Variants in KLHDC10 observed in about 807,000 individuals in gnomAD.
KLHDC10 encodes the protein kelch domain containing 10, also known as kelch domain-containing protein 10.
KLHDC10 carries 24 observed loss-of-function variants against 56.1 expected under a neutral mutation model. The ratio of observed to expected loss-of-function variants is 0.43; its 90% CI spans 0.31 to 0.60. The LOEUF (loss-of-function observed/expected upper bound fraction) is 0.60, where lower values mean the gene tolerates loss of function less well. Ranked by LOEUF, KLHDC10 falls within the 20% of genes least tolerant of loss-of-function variation. KLHDC10 has a pLI of 0.11. For missense variants in KLHDC10, 349 were observed against 567.0 expected, an observed-to-expected ratio of 0.62 and a Z score of 3.91; for synonymous variants, 188 against 207.1, an observed-to-expected ratio of 0.91 and a Z score of 0.79.
chr7:130,119,537 TAAA>T (rs11317882), intron 3 of KLHDC10, among the ~76,000 whole-genome samples: 89 of 100,378 alleles, frequency 8.9e-4, no homozygotes, highest in African/African-American at 1.5e-3. Context: ...AAAAAAGAGT[TAAA>T]AAAAAAAAAA....
At chr7:130,115,714 C>CAAAA (rs11451164) in intron 2 of KLHDC10, among the ~76,000 whole-genome samples, 29 of 99,906 alleles carry the variant, frequency 2.9e-4, no homozygotes, top group South Asian at 3.8e-4. Context: ...GACTTGGTCT[C>CAAAA]AAAAAAAAAA....
rs1447802468 is a variant in KLHDC10, at chr7:130,130,245, G to A, written c.1120-292G>A. Among the ~76,000 whole-genome samples, 11 of 151,482 alleles carry A rather than the reference G, an allele frequency of 7.3e-5. No homozygotes were observed. The highest frequency in any genetic ancestry group is 1.9e-4 in the East Asian group (1 of 5,150). On this transcript the variant is annotated intron_variant, in intron 9 of 9. Coordinates refer to ENST00000335420, the MANE Select transcript of KLHDC10 (RefSeq NM_014997.4). This position sits in a 1 kb window ranked among gnomAD's most constrained non-coding sequence, Gnocchi z 4.2. ...TGAAGCAGGAGAATGGCGTGAACCC[G>A]GGAGGCGGAGAGCTTGCAGTGAGCT...
At chr7:130,091,116 G>A (rs895719654) in intron 1 of KLHDC10, among the ~76,000 whole-genome samples, 1 of 151,922 alleles carries the variant, frequency 6.6e-6, no homozygotes, top group Admixed American at 6.6e-5. Context: ...TCCATGTTTT[G>A]GCTATTGTGA....
chr7:130,120,301 T>C lies in KLHDC10; in HGVS notation c.476-448T>C, dbSNP rs1466301481. 5.9e-5 allele frequency among the ~76,000 whole-genome samples: 9 copies of C among 152,252 alleles called. No homozygotes were observed. Among genetic ancestry groups the C allele is most frequent in the Admixed American group, 5.9e-4 (9 of 15,288 alleles). On this transcript the variant is annotated intron_variant, in intron 3 of 9. Transcript: ENST00000335420. The surrounding 1 kb of genome is among the most constrained non-coding windows in gnomAD (Gnocchi z 5.1). Reference sequence around the variant, plus strand: ...TTTAGTGAATTCCATAAATATGTATTGAATACGTCATATATGCCTAGCAAT... The same window carrying C: ...TTTAGTGAATTCCATAAATATGTATCGAATACGTCATATATGCCTAGCAAT...
intron 7 of KLHDC10, among the ~76,000 whole-genome samples, chr7:130,126,932 G>A (rs534844366): frequency 3.6e-4 from 55 of 152,140 alleles, no homozygotes; most frequent in African/African-American, 1.3e-3. Context: ...GTGAAACCCT[G>A]TCTCCACTAA....
chr7:130,134,891 C>T lies in KLHDC10; in HGVS notation c.*4145C>T, dbSNP rs1384572620. The T allele has an allele frequency of 6.6e-6, 1 of 152,102 alleles. No individual in the cohort carries two copies. The allele number at this position is 152,102 out of a possible 1,614,324, so 9.4% of individuals were successfully genotyped here. A position where few individuals can be genotyped will look rare whatever the true frequency, so the allele number is the denominator to read the frequency against. The stretch of plus-strand genomic sequence containing the variant: ...TGGAACTCCAGACGCACCCGCAGGG[C>T]CTGAGGTAGGCTTCATAGAGTTCTA... On this transcript the variant is annotated 3_prime_UTR_variant, in exon 10 of 10. Transcript: ENST00000335420.
At chr7:130,129,959 T>G (rs1250050678) in intron 9 of KLHDC10, among the ~76,000 whole-genome samples, 1 of 152,148 alleles carries the variant, frequency 6.6e-6, no homozygotes, top group African/African-American at 2.4e-5. Context: ...TCTTGGATAC[T>G]TAATATAGGT....
At chr7:130,078,307 G>A (rs1795545237) in intron 1 of KLHDC10, among the ~76,000 whole-genome samples, 1 of 151,490 alleles carries the variant, frequency 6.6e-6, no homozygotes, top group Admixed American at 6.6e-5. Context: ...CCTGGAGGCG[G>A]AGGTTGCAGT....
chr7:130,103,418 C>CAAA (rs57094210), intron 2 of KLHDC10, among the ~76,000 whole-genome samples: 139 of 92,724 alleles, frequency 1.5e-3, no homozygotes, highest in East Asian at 0.012. Context: ...GAGCAAGACT[C>CAAA]AAAAAAAAAA....
intron 1 of KLHDC10, among the ~76,000 whole-genome samples, chr7:130,080,569 A>AT (rs34164377): frequency 2.5e-4 from 37 of 149,054 alleles, no homozygotes; most frequent in East Asian, 7.9e-4. Context: ...ATTAAAAAAA[A>AT]TTTTTTTTTT....
rs977509361 is a variant in KLHDC10 at position 130,130,244 on chromosome 7, C to T, written c.1120-293C>T. 9.3e-5 allele frequency among the ~76,000 whole-genome samples: 14 copies of T among 150,832 alleles called. No homozygotes were observed. Among genetic ancestry groups the T allele is most frequent in the East Asian group, 3.9e-4 (2 of 5,130 alleles). On this transcript the variant is annotated intron_variant, in intron 9 of 9. Transcript: ENST00000335420. This position sits in a 1 kb window ranked among gnomAD's most constrained non-coding sequence, Gnocchi z 4.2. ...CTGAAGCAGGAGAATGGCGTGAACC[C>T]GGGAGGCGGAGAGCTTGCAGTGAGC...
chr7:130,117,735 C>G (rs570740800), intron 3 of KLHDC10: 1 of 151,318 alleles, frequency 6.6e-6, no homozygotes, highest in South Asian at 2.1e-4. Context: ...ACTGTATTCC[C>G]AGCTACTTGG....
In KLHDC10 at chr7:130,130,783, A is replaced by T. The variant is rs1427476213; in HGVS notation, c.*37A>T. On this transcript the variant is annotated 3_prime_UTR_variant, in exon 10 of 10. Coordinates refer to ENST00000335420, the MANE Select transcript of KLHDC10 (RefSeq NM_014997.4). This position sits in a 1 kb window ranked among gnomAD's most constrained non-coding sequence, Gnocchi z 4.2. Reference sequence around the variant, plus strand: ...CTGTTCATTGATACTGGAAATGTTAATTTAAAGAGACTCCTTTATTTATGG... The same window carrying T: ...CTGTTCATTGATACTGGAAATGTTATTTTAAAGAGACTCCTTTATTTATGG... 2 of 1,578,224 alleles carry T rather than the reference A, an allele frequency of 1.3e-6. No homozygotes were observed. Among genetic ancestry groups the T allele is most frequent in the Non-Finnish European group, 8.7e-7 (1 of 1,147,628 alleles).
Position 130,124,434 on chromosome 7 carries a change from T to G in KLHDC10, c.780-17T>G. The G allele has an allele frequency of 6.6e-7, 1 of 1,511,756 alleles. No homozygotes were observed. The highest frequency in any genetic ancestry group is 9.2e-7 in the Non-Finnish European group (1 of 1,090,204). The allele number at this position is 1,511,756 out of a possible 1,614,324, so 93.6% of individuals were successfully genotyped here. On this transcript the variant is annotated splice_polypyrimidine_tract_variant and intron_variant, in intron 5 of 9. Coordinates refer to ENST00000335420, the MANE Select transcript of KLHDC10 (RefSeq NM_014997.4). ...TTTTTCACTTAATTATAAATGAATT[T>G]TATTGTAAATTTTCAGATACCGACA...
At chr7:130,109,132 C>G (rs1054982734) in intron 2 of KLHDC10, among the ~76,000 whole-genome samples, 4 of 151,934 alleles carry the variant, frequency 2.6e-5, no homozygotes, top group African/African-American at 9.7e-5. Flanking sequence ...GTCTCGAACT[C>G]CTAATCTCAA....
At chr7:130,079,864 C>G (rs1341642636) in intron 1 of KLHDC10, among the ~76,000 whole-genome samples, 2 of 135,722 alleles carry the variant, frequency 1.5e-5, no homozygotes. Flanking sequence ...CTCCCTTCCT[C>G]CCTTTCTTCC....
At chr7:130,072,011 A>C (rs561762646) in intron 1 of KLHDC10, among the ~76,000 whole-genome samples, 235 of 152,300 alleles carry the variant, frequency 1.5e-3, no homozygotes, top group African/African-American at 5.3e-3. Context: ...AGGCATTTGT[A>C]AGTAGTCATA....
intron 1 of KLHDC10, among the ~76,000 whole-genome samples, chr7:130,093,319 C>T (rs986723373): frequency 2.1e-5 from 3 of 143,970 alleles, no homozygotes; most frequent in African/African-American, 3.0e-5. Flanking sequence ...GTTCTCCTGC[C>T]CTCAAGCAGT....
intron 2 of KLHDC10, among the ~76,000 whole-genome samples, chr7:130,108,100 G>C (rs1296647372): frequency 6.7e-6 from 1 of 150,332 alleles, no homozygotes; most frequent in African/African-American, 2.4e-5. Context: ...GAGGTCGTGT[G>C]CGCCTGGAGT....
Sources: allele counts gnomAD v4.1 joint callset (sites outside exome capture counted in the v4.1 genomes callset), GRCh38; gene constraint gnomAD v4.1.1; non-coding constraint Gnocchi (gnomAD v3.1); transcripts MANE v1.5; gene names NCBI Gene and HGNC (gene_info 2026-07-23, HGNC 2026-07-21).